The following HHAT variants were observed in gnomAD, a reference collection of about 807,000 sequenced individuals.
The protein encoded by HHAT is protein-cysteine N-palmitoyltransferase HHAT.
A neutral mutation model predicts 70.8 loss-of-function variants in HHAT; 47 were observed. The ratio of observed to expected loss-of-function variants is 0.66; its 90% CI spans 0.53 to 0.85. HHAT has a LOEUF of 0.85. Ranked by LOEUF, HHAT falls within the 40% of genes least tolerant of loss-of-function variation. The pLI is 0.00. For synonymous variants in HHAT, 228 were observed against 247.6 expected (o/e 0.92, Z 0.74); for missense variants, 609 against 604.8 (o/e 1.01, Z -0.07).
At chr1:210,437,959 T>G (rs546688887) in intron 7 of HHAT, among the ~76,000 whole-genome samples, 2 of 151,970 alleles carry the variant, frequency 1.3e-5, no homozygotes, top group African/African-American at 4.8e-5. Flanking sequence ...TTTGGGGCCA[T>G]CTCACATATA....
intron 6 of HHAT, among the ~76,000 whole-genome samples, chr1:210,411,504 A>G (rs1359677420): frequency 6.6e-6 from 1 of 152,180 alleles, no homozygotes; most frequent in Non-Finnish European, 1.5e-5. Context: ...CTGTAATCCC[A>G]GTGCTTTGGG....
At chr1:210,524,142 G>A (rs931458401) in intron 9 of HHAT, among the ~76,000 whole-genome samples, 4 of 152,248 alleles carry the variant, frequency 2.6e-5, no homozygotes, top group Non-Finnish European at 2.9e-5. Flanking sequence ...TAGGCAAGAT[G>A]CATAAGCTCT....
chr1:210,388,474 C>T (rs963749573), intron 4 of HHAT, among the ~76,000 whole-genome samples: 5 of 152,038 alleles, frequency 3.3e-5, no homozygotes, highest in African/African-American at 9.7e-5. Context: ...TGAAAATTGG[C>T]GTTTCCTGGG....
At chr1:210,637,873 G>GGGGT (rs946987949) in intron 11 of HHAT, among the ~76,000 whole-genome samples, 4 of 123,432 alleles carry the variant, frequency 3.2e-5, no homozygotes, top group African/African-American at 1.1e-4. Flanking sequence ...AAAAAAAAAG[G>GGGGT]GGGGGGCAAA....
At chr1:210,350,660 T>C (rs999110207) in intron 2 of HHAT, among the ~76,000 whole-genome samples, 2 of 152,248 alleles carry the variant, frequency 1.3e-5, no homozygotes, top group African/African-American at 4.8e-5. Context: ...TTTCTGTCAG[T>C]TCTTTCAGAT....
chr1:210,526,367 G>GTTCTGTTTTTTTTTTTTTT (rs2095245205), intron 9 of HHAT, among the ~76,000 whole-genome samples: 2 of 142,336 alleles, frequency 1.4e-5, no homozygotes, highest in African/African-American at 5.2e-5. Context: ...AGTGGGTTCT[G>GTTCTGTTTTTTTTTTTTTT]TTTTTTTTTT....
intron 9 of HHAT, among the ~76,000 whole-genome samples, chr1:210,513,811 A>G (rs752330656): frequency 3.9e-5 from 6 of 152,248 alleles, no homozygotes; most frequent in Non-Finnish European, 8.8e-5. Flanking sequence ...AATATTGAGC[A>G]TGTATTACTC....
chr1:210,485,611 C>A (rs1472861659), intron 8 of HHAT, among the ~76,000 whole-genome samples: 1 of 152,088 alleles, frequency 6.6e-6, no homozygotes, highest in Non-Finnish European at 1.5e-5. Flanking sequence ...ATGTACAGTT[C>A]CACGTGGCTG....
intron 8 of HHAT, among the ~76,000 whole-genome samples, chr1:210,511,443 A>C (rs1231207672): frequency 1.3e-5 from 2 of 152,164 alleles, no homozygotes; most frequent in Non-Finnish European, 2.9e-5. Context: ...TTGTCATTTA[A>C]AGGTGTCCCA....
chr1:210,658,730 G>A lies in HHAT; in HGVS notation c.1391-15558G>A, dbSNP rs149900108. ...AATGTAAAAGAAGAGAAATCACAACGAACTGTCTCTCAGACCACAGTGCAA... is the reference window on the plus strand; with the variant it reads ...AATGTAAAAGAAGAGAAATCACAACAAACTGTCTCTCAGACCACAGTGCAA... On this transcript the variant is annotated intron_variant, in intron 11 of 11. Coordinates refer to ENST00000261458, the MANE Select transcript of HHAT (RefSeq NM_018194.6). Among the ~76,000 whole-genome samples the A allele has an allele frequency of 4.7e-3, 719 of 152,204 alleles. 9 individuals carry two copies. Among genetic ancestry groups the A allele is most frequent in the African/African-American group, 0.016 (675 of 41,528 alleles).
intron 8 of HHAT, among the ~76,000 whole-genome samples, chr1:210,502,237 A>G (rs1358351546): frequency 6.6e-6 from 1 of 151,798 alleles, no homozygotes; most frequent in Non-Finnish European, 1.5e-5. Context: ...ACAAAAAATT[A>G]GCCGGGAGTG....
intron 10 of HHAT, among the ~76,000 whole-genome samples, chr1:210,612,476 A>C (rs1455473977): frequency 6.6e-6 from 1 of 152,192 alleles, no homozygotes; most frequent in Non-Finnish European, 1.5e-5. Flanking sequence ...TGTGGCATAC[A>C]TCAAAACTTC....
intron 9 of HHAT, among the ~76,000 whole-genome samples, chr1:210,584,796 A>G (rs868106150): frequency 6.6e-6 from 1 of 152,212 alleles, no homozygotes; most frequent in African/African-American, 2.4e-5. Flanking sequence ...ACCATGTCAC[A>G]TAGCTTAATG....
At chr1:210,667,704 G>T (rs571273729) in intron 11 of HHAT, among the ~76,000 whole-genome samples, 24 of 151,826 alleles carry the variant, frequency 1.6e-4, no homozygotes, top group East Asian at 3.9e-4. Context: ...TCGCCGCCCA[G>T]CCCCAGGCAA....
rs143044654 is a variant in HHAT, at chr1:210,668,533, A to G, written c.1391-5755A>G. Among the ~76,000 whole-genome samples the G allele has an allele frequency of 5.1e-3, 779 of 152,192 alleles. 6 individuals carry two copies. The highest frequency in any genetic ancestry group is 0.016 in the African/African-American group (662 of 41,466). On this transcript the variant is annotated intron_variant, in intron 11 of 11. Coordinates refer to ENST00000261458, the MANE Select transcript of HHAT (RefSeq NM_018194.6). ...TCTCTTGCCTGCCACCATGTAAGAT[A>G]TGCCTTTGCTCCTCCTTCGCCTTCT...
At chr1:210,368,288 AAAT>A (rs531090295) in intron 3 of HHAT, among the ~76,000 whole-genome samples, 9 of 152,222 alleles carry the variant, frequency 5.9e-5, no homozygotes, top group African/African-American at 2.2e-4. Flanking sequence ...ACATCTGAGA[AAAT>A]AATTTGCCTC....
intron 7 of HHAT, among the ~76,000 whole-genome samples, chr1:210,443,326 G>C (rs1352607425): frequency 6.6e-6 from 1 of 151,516 alleles, no homozygotes; most frequent in African/African-American, 2.4e-5. Flanking sequence ...TTGGCGATGC[G>C]GGCTCTTTTT....
intron 1 of HHAT, among the ~76,000 whole-genome samples, chr1:210,331,714 A>G (rs1056242945): frequency 6.6e-6 from 1 of 152,268 alleles, no homozygotes; most frequent in Non-Finnish European, 1.5e-5. Flanking sequence ...GAAACGTGTC[A>G]GAAATCCCAG....
At chr1:210,637,563 C>T (rs1029667739) in intron 11 of HHAT, among the ~76,000 whole-genome samples, 1 of 151,990 alleles carries the variant, frequency 6.6e-6, no homozygotes, top group African/African-American at 2.4e-5. Flanking sequence ...AGACAAATCA[C>T]CCAATTAAAA....
Sources: gnomAD v4.1 joint callset for allele counts (sites outside exome capture counted in the v4.1 genomes callset) on GRCh38, gnomAD v4.1.1 for gene constraint, MANE v1.5 for transcripts, NCBI Gene and HGNC (gene_info 2026-07-23, HGNC 2026-07-21) for gene names.